The following UBE3D variants were observed in gnomAD, a reference collection of about 807,000 sequenced individuals.
UBE3D encodes the protein ubiquitin protein ligase E3D, also known as E3 ubiquitin-protein ligase E3D.
Under a neutral mutation model 49.6 loss-of-function variants are expected in UBE3D, and 48 were observed. The observed-to-expected ratio is 0.97, with a 90% CI of 0.77 to 1.23. The LOEUF (loss-of-function observed/expected upper bound fraction) is 1.23, where lower values mean the gene tolerates loss of function less well. UBE3D is among the 50% of genes most tolerant of loss of function. The probability of loss-of-function intolerance (pLI) is 0.00; values close to 1 mark genes in which losing one functional copy is unlikely to be tolerated. For synonymous variants in UBE3D, 189 were observed against 174.2 expected (o/e 1.08, Z -0.67); for missense variants, 452 against 468.4 (o/e 0.96, Z 0.32).
intron 9 of UBE3D, among the ~76,000 whole-genome samples, chr6:82,942,132 T>C (rs1371497101): frequency 6.6e-6 from 1 of 152,148 alleles, no homozygotes; most frequent in Non-Finnish European, 1.5e-5. Flanking sequence ...CTGATAGTGA[T>C]ATGAAGAATG....
At chr6:82,984,331 C>T (rs1287744337) in intron 8 of UBE3D, among the ~76,000 whole-genome samples, 1 of 152,138 alleles carries the variant, frequency 6.6e-6, no homozygotes, top group African/African-American at 2.4e-5. Flanking sequence ...CATTCATTCA[C>T]TCATTCATTC....
chr6:82,934,890 G>A (rs1413429808), intron 9 of UBE3D, among the ~76,000 whole-genome samples: 2 of 61,950 alleles, frequency 3.2e-5, no homozygotes, highest in Non-Finnish European at 7.8e-5. Context: ...ATACAGCTCT[G>A]AGATAAAAGT....
intron 8 of UBE3D, among the ~76,000 whole-genome samples, chr6:83,012,094 C>T (rs1186715929): frequency 6.6e-6 from 1 of 152,152 alleles, no homozygotes; most frequent in Non-Finnish European, 1.5e-5. Flanking sequence ...TGAGCATGAG[C>T]CCACTGCTGC....
At chr6:83,062,684 C>T (rs914617991) in intron 1 of UBE3D, among the ~76,000 whole-genome samples, 1 of 152,130 alleles carries the variant, frequency 6.6e-6, no homozygotes, top group Non-Finnish European at 1.5e-5. Context: ...CAGTTTTATG[C>T]TATTTTTAGG....
At chr6:82,959,022 G>A (rs1048240379) in intron 8 of UBE3D, among the ~76,000 whole-genome samples, 3 of 152,030 alleles carry the variant, frequency 2.0e-5, no homozygotes, top group Non-Finnish European at 4.4e-5. Context: ...GTTTATTTGG[G>A]TCCACTGCAG....
intron 5 of UBE3D, among the ~76,000 whole-genome samples, chr6:83,033,737 G>A (rs762610655): frequency 2.0e-5 from 3 of 152,124 alleles, no homozygotes; most frequent in East Asian, 1.9e-4. Flanking sequence ...AGTACCATAC[G>A]CCAATTAAAC....
chr6:82,942,796 T>C (rs1775108829), intron 9 of UBE3D, among the ~76,000 whole-genome samples: 1 of 152,194 alleles, frequency 6.6e-6, no homozygotes, highest in Non-Finnish European at 1.5e-5. Flanking sequence ...ACAGAGCCCT[T>C]ACGGAGAACC....
chr6:82,957,221 A>C, intron 9 of UBE3D, 91 bp downstream of exon 9: 4 of 1,331,156 alleles, frequency 3.0e-6, no homozygotes, highest in Non-Finnish European at 4.2e-6. Flanking sequence ...AGGGAATTCC[A>C]CGGGCTATCT....
chr6:82,947,842 A>G (rs1475509611), intron 9 of UBE3D, among the ~76,000 whole-genome samples: 3 of 152,084 alleles, frequency 2.0e-5, no homozygotes, highest in Non-Finnish European at 2.9e-5. Context: ...CACATATACC[A>G]AAACCTATGG....
At chr6:83,050,235 C>G (rs1220187061) in intron 3 of UBE3D, among the ~76,000 whole-genome samples, 1 of 101,884 alleles carries the variant, frequency 9.8e-6, no homozygotes, top group Non-Finnish European at 2.0e-5. Context: ...TTGACAAGAA[C>G]CTTTTTTATT....
chr6:83,036,903 C>T (rs1293081673), intron 5 of UBE3D: 1 of 152,006 alleles, frequency 6.6e-6, no homozygotes, highest in African/African-American at 2.4e-5. Context: ...TCAGTTTAAC[C>T]TCATTTTTGT....
chr6:82,945,226 T>C (rs558815711), intron 9 of UBE3D, among the ~76,000 whole-genome samples: 1 of 152,156 alleles, frequency 6.6e-6, no homozygotes, highest in Admixed American at 6.5e-5. Context: ...ACAGGGGCGA[T>C]TGTGTCACCT....
chr6:82,957,168 A>T, intron 9 of UBE3D, 144 bp downstream of exon 9: 1 of 815,892 alleles, frequency 1.2e-6, no homozygotes, highest in Non-Finnish European at 1.9e-6. Context: ...AAAAACAGAT[A>T]GACAAAGCAA....
intron 8 of UBE3D, among the ~76,000 whole-genome samples, chr6:83,000,854 T>C (rs903297124): frequency 6.6e-6 from 1 of 151,916 alleles, no homozygotes; most frequent in East Asian, 1.9e-4. Context: ...TCTTTTTTTT[T>C]TTTTTTTGAG....
intron 9 of UBE3D, among the ~76,000 whole-genome samples, chr6:82,951,705 G>T (rs1486635633): frequency 6.6e-6 from 1 of 152,172 alleles, no homozygotes; most frequent in Non-Finnish European, 1.5e-5. Flanking sequence ...GCAATGCTCA[G>T]CCAGAGGACT....
At chr6:82,926,279 T>C (rs556975240) in intron 9 of UBE3D, among the ~76,000 whole-genome samples, 83 of 152,288 alleles carry the variant, frequency 5.5e-4, no homozygotes, top group African/African-American at 1.7e-3. Context: ...TTCCTCTGTG[T>C]CTTTTCCTAG....
At chr6:82,952,104 A>T (rs1775843465) in intron 9 of UBE3D, among the ~76,000 whole-genome samples, 1 of 152,198 alleles carries the variant, frequency 6.6e-6, no homozygotes, top group African/African-American at 2.4e-5. Flanking sequence ...CTGACAAGTC[A>T]TGCCACTTAA....
intron 5 of UBE3D, among the ~76,000 whole-genome samples, chr6:83,032,672 T>C (rs897544060): frequency 6.6e-6 from 1 of 152,186 alleles, no homozygotes; most frequent in African/African-American, 2.4e-5. Context: ...ATGGTTTGGC[T>C]GTGTCCCCAC....
At chr6:83,034,527 TG>T (rs1285218985) in intron 5 of UBE3D, among the ~76,000 whole-genome samples, 3 of 152,128 alleles carry the variant, frequency 2.0e-5, no homozygotes, top group Non-Finnish European at 4.4e-5. Flanking sequence ...AATCCCCATG[TG>T]TTAAAGTTGG....
Sources: gnomAD v4.1 joint callset for allele counts (sites outside exome capture counted in the v4.1 genomes callset) on GRCh38, gnomAD v4.1.1 for gene constraint, MANE v1.5 for transcripts, NCBI Gene and HGNC (gene_info 2026-07-23, HGNC 2026-07-21) for gene names.